The following CDH12 variants were observed in gnomAD, a reference collection of about 807,000 sequenced individuals.
CDH12 encodes cadherin-12.
A neutral mutation model predicts 74.1 loss-of-function variants in CDH12; 41 were observed. The ratio of observed to expected loss-of-function variants is 0.55; its 90% CI spans 0.43 to 0.72. CDH12 has a LOEUF of 0.72. Among genes scored for constraint, CDH12 ranks in the 30% least tolerant of loss-of-function variants. The pLI is 0.00. For synonymous variants in CDH12, 399 were observed against 355.0 expected, an observed-to-expected ratio of 1.12 and a Z score of -1.39; for missense variants, 945 against 977.2, an observed-to-expected ratio of 0.97 and a Z score of 0.44.
intron 4 of CDH12, among the ~76,000 whole-genome samples, chr5:22,154,283 A>T (rs1358350414): frequency 1.3e-5 from 2 of 151,538 alleles, no homozygotes; most frequent in Admixed American, 6.6e-5. Context: ...TCAATTATAC[A>T]ATATAGTATT....
chr5:21,980,046 A>C (rs1316683461), intron 5 of CDH12, among the ~76,000 whole-genome samples: 1 of 151,720 alleles, frequency 6.6e-6, no homozygotes, highest in South Asian at 2.1e-4. Context: ...AGTGATGATG[A>C]GCATTTTTTC....
chr5:22,115,562 G>A (rs1337421609), intron 4 of CDH12, among the ~76,000 whole-genome samples: 2 of 151,930 alleles, frequency 1.3e-5, no homozygotes, highest in East Asian at 1.9e-4. Context: ...TGTGATGCAT[G>A]TTGCGTTTCA....
At chr5:22,356,832 A>G (rs1740581908) in intron 3 of CDH12, among the ~76,000 whole-genome samples, 1 of 152,116 alleles carries the variant, frequency 6.6e-6, no homozygotes, top group African/African-American at 2.4e-5. Context: ...GTAACTAAAA[A>G]CAAGATTGCG....
intron 1 of CDH12, among the ~76,000 whole-genome samples, chr5:22,707,500 T>C (rs1243191488): frequency 1.3e-5 from 2 of 152,146 alleles, no homozygotes; most frequent in African/African-American, 4.8e-5. Flanking sequence ...GAAGAAATGG[T>C]GTATTTGTCT....
chr5:22,750,363 G>T (rs886502042), intron 1 of CDH12, among the ~76,000 whole-genome samples: 3 of 152,014 alleles, frequency 2.0e-5, no homozygotes. Context: ...ATAAACCTTG[G>T]GTGTAACTTC....
At chr5:22,447,993 A>AAAAAG (rs1744891442) in intron 2 of CDH12, among the ~76,000 whole-genome samples, 1 of 147,540 alleles carries the variant, frequency 6.8e-6, no homozygotes, top group Non-Finnish European at 1.5e-5. Context: ...ATTAAAAAAA[A>AAAAAG]AAAAAAAAAA....
chr5:22,162,129 G>A (rs1374730065), intron 4 of CDH12, among the ~76,000 whole-genome samples: 2 of 151,006 alleles, frequency 1.3e-5, no homozygotes, highest in Admixed American at 6.7e-5. Flanking sequence ...TGAAACTGGT[G>A]GTCATATATA....
chr5:22,198,409 C>T (rs1217391241), intron 4 of CDH12, among the ~76,000 whole-genome samples: 2 of 152,038 alleles, frequency 1.3e-5, no homozygotes, highest in Admixed American at 1.3e-4. Context: ...TGTTATCTGA[C>T]AATGTTAGAA....
intron 9 of CDH12, among the ~76,000 whole-genome samples, chr5:21,809,646 T>G (rs185059583): frequency 6.6e-6 from 1 of 152,280 alleles, no homozygotes; most frequent in African/African-American, 2.4e-5. Flanking sequence ...ACATGCTATG[T>G]GAGTAAAAAG....
chr5:22,809,112 T>A (rs1202144383), intron 1 of CDH12, among the ~76,000 whole-genome samples: 1 of 151,918 alleles, frequency 6.6e-6, no homozygotes, highest in Non-Finnish European at 1.5e-5. Context: ...TGTAATAAAA[T>A]TAATTCTGAT....
intron 2 of CDH12, among the ~76,000 whole-genome samples, chr5:22,486,446 A>AT (rs5866568): frequency 0.054 from 7,090 of 131,358 alleles, 260 homozygotes; most frequent in Middle Eastern, 0.08. Flanking sequence ...GTAACTAGTA[A>AT]TTTTTTTTTT....
chr5:21,877,938 T>G (rs116721244), intron 6 of CDH12, among the ~76,000 whole-genome samples: 1 of 152,206 alleles, frequency 6.6e-6, no homozygotes, highest in Admixed American at 6.5e-5. Context: ...GAACTTATTA[T>G]AGCAGTTCAC....
chr5:22,355,314 G>A (rs1740515691), intron 3 of CDH12, among the ~76,000 whole-genome samples: 2 of 151,834 alleles, frequency 1.3e-5, no homozygotes, highest in South Asian at 4.2e-4. Flanking sequence ...TAGCAACACT[G>A]GAAATCAGAA....
At chr5:22,234,086 A>T (rs1752479819) in intron 3 of CDH12, among the ~76,000 whole-genome samples, 1 of 152,204 alleles carries the variant, frequency 6.6e-6, no homozygotes, top group South Asian at 2.1e-4. Flanking sequence ...TCTTTTTAAA[A>T]AAATAAATCT....
At chr5:22,671,869 G>A (rs926465754) in intron 1 of CDH12, among the ~76,000 whole-genome samples, 2 of 150,756 alleles carry the variant, frequency 1.3e-5, no homozygotes, top group Admixed American at 6.7e-5. Flanking sequence ...TGGGGGTGGG[G>A]TAACTGTTGA....
intron 1 of CDH12, among the ~76,000 whole-genome samples, chr5:22,544,870 C>T (rs1256740536): frequency 2.0e-5 from 3 of 151,968 alleles, no homozygotes; most frequent in Non-Finnish European, 4.4e-5. Flanking sequence ...TTTTCCTTCC[C>T]ATATAGTCAC....
At chr5:22,612,224 A>G (rs1737440526) in intron 1 of CDH12, among the ~76,000 whole-genome samples, 1 of 152,076 alleles carries the variant, frequency 6.6e-6, no homozygotes. Flanking sequence ...TGGAACCTCC[A>G]TTAGTTTTCT....
intron 5 of CDH12, among the ~76,000 whole-genome samples, chr5:22,029,627 T>A (rs1441768995): frequency 1.3e-5 from 2 of 152,134 alleles, no homozygotes; most frequent in Non-Finnish European, 1.5e-5. Context: ...GTGATAGAGA[T>A]GATGTGGAGA....
intron 1 of CDH12, among the ~76,000 whole-genome samples, chr5:22,660,693 C>T (rs998205694): frequency 7.2e-5 from 11 of 152,294 alleles, no homozygotes; most frequent in African/African-American, 2.6e-4. Context: ...GCTGGGATTA[C>T]AGGCATGAGC....
Sources: gnomAD v4.1 joint callset for allele counts (sites outside exome capture counted in the v4.1 genomes callset) on GRCh38, gnomAD v4.1.1 for gene constraint, MANE v1.5 for transcripts, NCBI Gene and HGNC (gene_info 2026-07-23, HGNC 2026-07-21) for gene names.